Variants in SP110 observed in about 807,000 individuals in gnomAD.
The protein encoded by SP110 is interferon-induced protein 41, 30kD.
SP110 carries 62 observed loss-of-function variants against 92.7 expected under a neutral mutation model. The observed-to-expected ratio is 0.67, with a 90% CI of 0.55 to 0.83. The LOEUF (loss-of-function observed/expected upper bound fraction) is 0.83. SP110 is among the 40% of genes least tolerant of loss of function. SP110 has a pLI of 0.00. For missense variants in SP110, 793 were observed against 863.9 expected (o/e 0.92, Z 1.03); for synonymous variants, 273 against 305.3 (o/e 0.89, Z 1.10).
rs752314043 is a variant in SP110 at position 230,176,533 on chromosome 2, T to G, written c.1590+1005A>C. The G allele has an allele frequency of 5.0e-6, 8 of 1,587,322 alleles. No individual in the cohort carries two copies. The African/African-American group carries it at 1.1e-4, about 21-fold the overall frequency. ...TTGCTTCCCCATCCCAAATTAACTA[T>G]GCAAATTAATTGTTTTGAAGATGCC... On this transcript the variant is annotated intron_variant, in intron 14 of 18. Coordinates refer to ENST00000258381, the MANE Select transcript of SP110 (RefSeq NM_080424.4).
At chr2:230,195,296 G>T (rs1337500589) in intron 10 of SP110, among the ~76,000 whole-genome samples, 3 of 152,118 alleles carry the variant, frequency 2.0e-5, no homozygotes, top group Admixed American at 2.0e-4. Context: ...AATAAAGATG[G>T]ATCAGGAATA....
chr2:230,191,211 T>G (rs2042617098), intron 10 of SP110, among the ~76,000 whole-genome samples: 1 of 152,002 alleles, frequency 6.6e-6, no homozygotes, highest in Admixed American at 6.6e-5. Flanking sequence ...ATGGACACCC[T>G]AACATCACAA....
At position 230,211,685 on chromosome 2, in the gene SP110, G is replaced by A. The variant is rs1477509388; in HGVS notation, c.668-132C>T. 2.9e-6 allele frequency: 2 copies of A among 692,184 alleles called. No individual in the cohort carries two copies. The highest frequency in any genetic ancestry group is 5.3e-6 in the Non-Finnish European group (2 of 379,534). The allele number at this position is 692,184 out of a possible 1,614,324, so 42.9% of individuals were successfully genotyped here. On this transcript the variant is annotated intron_variant, in intron 5 of 18. Coordinates refer to ENST00000258381, the MANE Select transcript of SP110 (RefSeq NM_080424.4). The surrounding 1 kb of genome is among the most constrained non-coding windows in gnomAD (Gnocchi z 4.2). ...AGCAACCAAGGCCTGGGAAAGGATG[G>A]CATAGAGTGGGAAAGTAAGCAACCA... is the stretch of plus-strand genomic sequence containing the variant.
chr2:230,195,938 T>C (rs7561924), intron 10 of SP110, among the ~76,000 whole-genome samples: 116,215 of 152,038 alleles, frequency 0.76, 44,542 homozygotes, highest in Admixed American at 0.83. Context: ...AAGCAAAAAA[T>C]ATAAGTTAAA....
Position 230,166,185 on chromosome 2 carries a change from C to T in SP110, c.*2939G>A, listed in dbSNP as rs974320786. On this transcript the variant is annotated 3_prime_UTR_variant, in exon 19 of 19. Transcript: ENST00000258381. ...GGGATTACAGGCCTGAGCCACTGCG[C>T]CTGGCAGACCACCTATATTACTTTT... Among the ~76,000 whole-genome samples the T allele has an allele frequency of 6.6e-6, 1 of 152,172 alleles. No individual in the cohort carries two copies. The highest frequency in any genetic ancestry group is 2.4e-5 in the African/African-American group (1 of 41,458).
chr2:230,213,429 A>G (rs764430723), intron 3 of SP110, among the ~76,000 whole-genome samples: 4 of 152,326 alleles, frequency 2.6e-5, no homozygotes, highest in Middle Eastern at 3.4e-3. Context: ...AGCAAATAAG[A>G]GAAAATAAAA....
In SP110 at chr2:230,171,763, C is replaced by T; in HGVS notation, c.1820G>A (p.Cys607Tyr). 2 of 1,611,670 alleles carry T rather than the reference C, an allele frequency of 1.2e-6. No individual in the cohort carries two copies. The highest frequency in any genetic ancestry group is 1.7e-6 in the Non-Finnish European group (2 of 1,177,730). Residue 607 changes from cysteine (C) to tyrosine (Y), a missense_variant, in exon 17 of 19, where the codon TGT becomes TAT. Coordinates refer to ENST00000258381, the MANE Select transcript of SP110 (RefSeq NM_080424.4). ...RQMQPQDQLK[C>Y]EFLLLKAYCH... is the part of the protein sequence containing the mutation. ...GTAGGCCTTCAAGAGGAGGAACTCA[C>T]ATTTCTGTAAAATGTGAAGAGGGCT...
rs149485401 is a variant in SP110, at chr2:230,178,157, C to T, written c.1447G>A (p.Gly483Arg). 13,474 of 1,587,934 alleles carry T rather than the reference C, an allele frequency of 8.5e-3. 79 individuals carry two copies. The highest frequency in any genetic ancestry group is 9.2e-3 in the Non-Finnish European group (10,663 of 1,156,572). The stretch of plus-strand genomic sequence containing the variant: ...AAGAGCAGAAGACCAAGGAACTCAC[C>T]GTGTTTCATTTTCTTCTTATATAAA... ...GILYKKKMKH[G>R]SSVKCIRNED... The change falls in exon 13 of 19, where the codon GGA becomes AGA. Residue 483 changes from glycine to arginine, a missense_variant and splice_region_variant. Coordinates refer to ENST00000258381, the MANE Select transcript of SP110 (RefSeq NM_080424.4).
intron 15 of SP110, chr2:230,172,533 T>C (rs2078474041): frequency 1.9e-6 from 1 of 524,390 alleles, no homozygotes; most frequent in Admixed American, 3.2e-5. Context: ...TATGGTGAAA[T>C]GTGTGACAAG....
chr2:230,218,680 C>G (rs1431744500), intron 1 of SP110, among the ~76,000 whole-genome samples: 1 of 152,192 alleles, frequency 6.6e-6, no homozygotes, highest in Non-Finnish European at 1.5e-5. Flanking sequence ...GGTTTAGTAA[C>G]TCACCCAAGG....
chr2:230,186,673 G>A (rs917217790), intron 10 of SP110, among the ~76,000 whole-genome samples: 1 of 152,008 alleles, frequency 6.6e-6, no homozygotes, highest in Non-Finnish European at 1.5e-5. Context: ...TCTCCTTTCT[G>A]AGTCTCCATA....
chr2:230,223,086 G>A (rs775301535), upstream of SP110, among the ~76,000 whole-genome samples: 14 of 149,860 alleles, frequency 9.3e-5, no homozygotes, highest in Admixed American at 7.4e-4. Flanking sequence ...CTCCAGGCTA[G>A]AGTGCTGTGG....
chr2:230,211,957 A>G lies in SP110; in HGVS notation c.667+390T>C, dbSNP rs1169670916. Among the ~76,000 whole-genome samples the G allele has an allele frequency of 1.3e-5, 2 of 152,232 alleles. No homozygotes were observed. The highest frequency in any genetic ancestry group is 2.9e-5 in the Non-Finnish European group (2 of 68,046). On this transcript the variant is annotated intron_variant, in intron 5 of 18. Transcript: ENST00000258381. This position sits in a 1 kb window ranked among gnomAD's most constrained non-coding sequence, Gnocchi z 4.2. Reference sequence around the variant, plus strand: ...TGGTTTGGGGAGGACAAGTGATACAATTTGAGAAGCTAAATATTAGGTCTA... The same window carrying G: ...TGGTTTGGGGAGGACAAGTGATACAGTTTGAGAAGCTAAATATTAGGTCTA...
At chr2:230,188,987 G>T (rs1023989811) in intron 10 of SP110, among the ~76,000 whole-genome samples, 1 of 152,028 alleles carries the variant, frequency 6.6e-6, no homozygotes, top group African/African-American at 2.4e-5. Context: ...TCTAGTTTTT[G>T]TGCATAGAGG....
chr2:230,196,543 T>A lies in SP110; in HGVS notation c.1129+4342A>T, dbSNP rs184542784. Among the ~76,000 whole-genome samples, 566 of 151,956 alleles carry A rather than the reference T, an allele frequency of 3.7e-3. 3 individuals carry two copies. The highest frequency in any genetic ancestry group is 0.013 in the African/African-American group (541 of 41,534). ...TTATGATTTATAATTTTCTTTTTTT[T>A]AAAATTTTATTATTATATTTTAAGT... On this transcript the variant is annotated intron_variant, in intron 10 of 18. Coordinates refer to ENST00000258381, the MANE Select transcript of SP110 (RefSeq NM_080424.4).
chr2:230,190,353 T>TG (rs2042558823), intron 10 of SP110, among the ~76,000 whole-genome samples: 1 of 152,206 alleles, frequency 6.6e-6, no homozygotes, highest in Non-Finnish European at 1.5e-5. Flanking sequence ...AAATTTTTTT[T>TG]TTTTTGAGAA....
chr2:230,182,216 A>G (rs1486074179), intron 12 of SP110, among the ~76,000 whole-genome samples: 1 of 59,550 alleles, frequency 1.7e-5, no homozygotes, highest in Non-Finnish European at 3.4e-5. Context: ...ACGGAAAACT[A>G]AACACCACAT....
rs149758307 is a variant in SP110, at chr2:230,175,613, G to C, written c.1590+1925C>G. On this transcript the variant is annotated intron_variant, in intron 14 of 18. Transcript: ENST00000258381. ...GTCAGGCCAGCCTCCAGGGCAAGATGGGGGAGGCACCATTGTCTCTGCTGG... is the reference window on the plus strand; with the variant it reads ...GTCAGGCCAGCCTCCAGGGCAAGATCGGGGAGGCACCATTGTCTCTGCTGG... Among the ~76,000 whole-genome samples the C allele has an allele frequency of 1.4e-3, 212 of 152,322 alleles. 1 individual carries two copies. The highest frequency in any genetic ancestry group is 4.5e-3 in the African/African-American group (188 of 41,584).
intron 17 of SP110, 29 bp downstream of exon 17, chr2:230,171,665 TTA>T (rs1272490483): frequency 6.4e-7 from 1 of 1,564,370 alleles, no homozygotes; most frequent in African/African-American, 1.4e-5. Context: ...CAAATGCATT[TTA>T]TGCAAGAGAA....
Sources: gnomAD v4.1 joint callset for allele counts (sites outside exome capture counted in the v4.1 genomes callset) on GRCh38, gnomAD v4.1.1 for gene constraint, Gnocchi (gnomAD v3.1) non-coding constraint, MANE v1.5 for transcripts, NCBI Gene and HGNC (gene_info 2026-07-23, HGNC 2026-07-21) for gene names.